The following R3HDM2 variants were observed in gnomAD, a reference collection of about 807,000 sequenced individuals.
R3HDM2 encodes the protein R3H domain containing 2, also known as R3H domain-containing protein 2.
A neutral mutation model predicts 124.5 loss-of-function variants in R3HDM2; 38 were observed. That is an observed-to-expected ratio of 0.31 (90% confidence interval 0.24 to 0.40). The LOEUF is 0.40. R3HDM2 is among the 10% of genes least tolerant of loss of function. The probability of loss-of-function intolerance (pLI) is 1.00; values close to 1 mark genes in which losing one functional copy is unlikely to be tolerated. For synonymous variants in R3HDM2, 391 were observed against 448.0 expected, an observed-to-expected ratio of 0.87 and a Z score of 1.61; for missense variants, 869 against 1,236.9, an observed-to-expected ratio of 0.70 and a Z score of 4.46.
chr12:57,267,624 C>T (rs1321487438), intron 18 of R3HDM2, among the ~76,000 whole-genome samples: 2 of 152,082 alleles, frequency 1.3e-5, no homozygotes, highest in Non-Finnish European at 2.9e-5. Flanking sequence ...CGCCACAAAA[C>T]TCAAAACAAC....
intron 11 of R3HDM2, among the ~76,000 whole-genome samples, chr12:57,291,651 C>T (rs995515341): frequency 2.1e-5 from 3 of 142,998 alleles, no homozygotes; most frequent in African/African-American, 5.2e-5. Context: ...GAAACCCTAT[C>T]TAAAAAAAAA....
Position 57,269,429 on chromosome 12 carries a change from G to C in R3HDM2, c.1608C>G (p.Pro536=), listed in dbSNP as rs2043128132. The C allele has an allele frequency of 3.7e-6, 6 of 1,613,974 alleles. No homozygotes were observed. In the South Asian group the frequency reaches 4.4e-5, roughly 12 times the overall value. Residue 536 remains proline, a synonymous_variant, in exon 16 of 24, where the codon CCC becomes CCG. Coordinates refer to ENST00000402412, the MANE Select transcript of R3HDM2 (RefSeq NM_001394031.1). ...GGTTGGAGTTAGGATATTGTCCAGG[G>C]GGATAGTAAGAAACCTGGATCTATG... is the stretch of plus-strand genomic sequence containing the variant. ...PPQQIQVSYY[P]PGQYPNSNQQ...
chr12:57,413,685 G>C (rs889681158), intron 1 of R3HDM2, among the ~76,000 whole-genome samples: 7 of 151,324 alleles, frequency 4.6e-5, no homozygotes, highest in Admixed American at 2.6e-4. Context: ...GCAATGAGCC[G>C]AGATCGCACC....
intron 2 of R3HDM2, among the ~76,000 whole-genome samples, chr12:57,348,142 A>C (rs1318589688): frequency 1.3e-5 from 2 of 152,204 alleles, no homozygotes; most frequent in Non-Finnish European, 2.9e-5. Flanking sequence ...AACAGAAATC[A>C]GCTTGGCACA....
At chr12:57,298,962 C>CA (rs1159234162) in intron 6 of R3HDM2, among the ~76,000 whole-genome samples, 2 of 151,208 alleles carry the variant, frequency 1.3e-5, no homozygotes, top group Non-Finnish European at 2.9e-5. Flanking sequence ...GACTCTGTCT[C>CA]AAAAAAATAA....
chr12:57,331,273 C>T (rs911031119), intron 2 of R3HDM2, among the ~76,000 whole-genome samples: 1 of 152,146 alleles, frequency 6.6e-6, no homozygotes, highest in Non-Finnish European at 1.5e-5. Context: ...CAATGGGTCT[C>T]CATCTCACTC....
Position 57,276,883 on chromosome 12 carries a change from T to C in R3HDM2, c.1344+3475A>G, listed in dbSNP as rs546310783. Among the ~76,000 whole-genome samples the C allele has an allele frequency of 1.2e-4, 18 of 150,418 alleles. 1 individual carries two copies. The South Asian group carries it at 3.8e-3, about 31-fold the overall frequency. On this transcript the variant is annotated intron_variant, in intron 14 of 23. Coordinates refer to ENST00000402412, the MANE Select transcript of R3HDM2 (RefSeq NM_001394031.1). The stretch of plus-strand genomic sequence containing the variant: ...ACCTGGGTGACAGAGCGAGACTCCA[T>C]CTCAAAAGAAAAAAAAAAAGAATGA...
At chr12:57,373,667 G>T (rs564511771) in intron 2 of R3HDM2, among the ~76,000 whole-genome samples, 2 of 151,756 alleles carry the variant, frequency 1.3e-5, no homozygotes, top group African/African-American at 4.8e-5. Flanking sequence ...AACTTAGCGG[G>T]GGGTGGTGGC....
At chr12:57,323,775 C>T (rs780346249) in intron 2 of R3HDM2, among the ~76,000 whole-genome samples, 5 of 152,176 alleles carry the variant, frequency 3.3e-5, no homozygotes, top group Non-Finnish European at 7.3e-5. Flanking sequence ...TTGTCAGCCT[C>T]TCTACATTCT....
At chr12:57,402,653 T>G (rs577297875) in intron 1 of R3HDM2, among the ~76,000 whole-genome samples, 165 of 151,792 alleles carry the variant, frequency 1.1e-3, no homozygotes, top group African/African-American at 3.9e-3. Flanking sequence ...CTTGTAAATC[T>G]CAGCTACTCG....
chr12:57,286,461 T>C (rs1385164140), intron 12 of R3HDM2, among the ~76,000 whole-genome samples: 1 of 152,232 alleles, frequency 6.6e-6, no homozygotes, highest in Non-Finnish European at 1.5e-5. Context: ...GATCAGCTTC[T>C]AATCATTAGC....
chr12:57,401,142 T>TA (rs2068003909), intron 1 of R3HDM2, among the ~76,000 whole-genome samples: 1 of 151,584 alleles, frequency 6.6e-6, no homozygotes, highest in Non-Finnish European at 1.5e-5. Flanking sequence ...TGGCCACAGT[T>TA]ATGTGTAACA....
At chr12:57,270,649 T>A (rs1376737422) in intron 14 of R3HDM2, among the ~76,000 whole-genome samples, 2 of 152,084 alleles carry the variant, frequency 1.3e-5, no homozygotes, top group Non-Finnish European at 2.9e-5. Flanking sequence ...GCCAGGCTGG[T>A]CTCAAACTCC....
chr12:57,363,346 T>TA (rs1307515015), intron 2 of R3HDM2, among the ~76,000 whole-genome samples: 1 of 152,174 alleles, frequency 6.6e-6, no homozygotes, highest in Non-Finnish European at 1.5e-5. Context: ...TTCAGAGTTA[T>TA]ACTACCATAA....
chr12:57,336,084 GTTT>G (rs559043957), intron 2 of R3HDM2, among the ~76,000 whole-genome samples: 1 of 140,590 alleles, frequency 7.1e-6, no homozygotes, highest in African/African-American at 2.6e-5. Flanking sequence ...CTCATTGTGG[GTTT>G]TTTTTTTTTA....
chr12:57,306,632 A>G (rs951275603), intron 3 of R3HDM2, among the ~76,000 whole-genome samples: 1 of 152,062 alleles, frequency 6.6e-6, no homozygotes, highest in Admixed American at 6.5e-5. Context: ...GATGGGCTCA[A>G]TCTCTTGATC....
chr12:57,389,603 T>C (rs1239042790), intron 2 of R3HDM2, among the ~76,000 whole-genome samples: 4 of 152,186 alleles, frequency 2.6e-5, no homozygotes, highest in African/African-American at 9.7e-5. Context: ...TGATCTAAGC[T>C]CTAAAACAAA....
intron 6 of R3HDM2, 143 bp from the exon 7 acceptor site, chr12:57,298,311 C>A: frequency 1.5e-6 from 1 of 671,780 alleles, no homozygotes; most frequent in Admixed American, 3.0e-5. Flanking sequence ...ACATAAAATC[C>A]AGAATGACCT....
At chr12:57,266,406 G>C (rs1344112209) in intron 19 of R3HDM2, among the ~76,000 whole-genome samples, 3 of 151,624 alleles carry the variant, frequency 2.0e-5, no homozygotes, top group African/African-American at 7.3e-5. Context: ...TTTTAAAAAA[G>C]TTTTTTTAGT....
Sources: allele counts gnomAD v4.1 joint callset (sites outside exome capture counted in the v4.1 genomes callset), GRCh38; gene constraint gnomAD v4.1.1; transcripts MANE v1.5; gene names NCBI Gene and HGNC (gene_info 2026-07-23, HGNC 2026-07-21).